Variants in FAM13A observed in about 807,000 individuals in gnomAD.
The protein encoded by FAM13A is protein FAM13A.
Under a neutral mutation model 129.6 loss-of-function variants are expected in FAM13A, and 76 were observed. The observed-to-expected ratio is 0.59, with a 90% CI of 0.49 to 0.71. FAM13A has a LOEUF of 0.71. Among genes scored for constraint, FAM13A ranks in the 30% least tolerant of loss-of-function variants. FAM13A has a pLI of 0.00. For synonymous variants in FAM13A, 443 were observed against 449.9 expected, an observed-to-expected ratio of 0.98 and a Z score of 0.20; for missense variants, 1,108 against 1,249.3, an observed-to-expected ratio of 0.89 and a Z score of 1.70.
At chr4:89,019,712 G>C (rs867683623) in intron 3 of FAM13A, among the ~76,000 whole-genome samples, 4 of 133,870 alleles carry the variant, frequency 3.0e-5, no homozygotes. Flanking sequence ...AGTGAGCCAA[G>C]ATTGTGCCAC....
intron 6 of FAM13A, among the ~76,000 whole-genome samples, chr4:88,862,593 C>T (rs561434043): frequency 6.6e-6 from 1 of 152,296 alleles, no homozygotes; most frequent in South Asian, 2.1e-4. Flanking sequence ...TTCCCCCAAA[C>T]ACTAATCTTT....
At chr4:88,734,835 C>T (rs892784602) in intron 21 of FAM13A, among the ~76,000 whole-genome samples, 3 of 152,170 alleles carry the variant, frequency 2.0e-5, no homozygotes, top group African/African-American at 7.2e-5. Flanking sequence ...TCAGAAAGGC[C>T]AAAATGAATT....
At chr4:88,802,444 A>T (rs1236576772) in intron 8 of FAM13A, among the ~76,000 whole-genome samples, 1 of 151,652 alleles carries the variant, frequency 6.6e-6, no homozygotes, top group Non-Finnish European at 1.5e-5. Flanking sequence ...CTGAAATTAG[A>T]GATGACAGAG....
intron 3 of FAM13A, among the ~76,000 whole-genome samples, chr4:88,992,258 CTTT>C (rs535122112): frequency 2.2e-5 from 3 of 136,584 alleles, no homozygotes; most frequent in East Asian, 2.1e-4. Flanking sequence ...GAATGAATAA[CTTT>C]TTTTTCTTCT....
At chr4:88,801,248 A>G (rs560161137) in intron 8 of FAM13A, among the ~76,000 whole-genome samples, 4 of 152,332 alleles carry the variant, frequency 2.6e-5, no homozygotes, top group East Asian at 3.9e-4. Context: ...TCTTTAACAT[A>G]AATGTACAGT....
At chr4:88,807,412 T>G (rs1277035168) in intron 7 of FAM13A, among the ~76,000 whole-genome samples, 1 of 152,182 alleles carries the variant, frequency 6.6e-6, no homozygotes, top group Non-Finnish European at 1.5e-5. Context: ...CTCACAAAAC[T>G]TCCCTGGTTC....
intron 14 of FAM13A, among the ~76,000 whole-genome samples, chr4:88,752,170 C>T (rs1742762412): frequency 6.6e-6 from 1 of 152,130 alleles, no homozygotes; most frequent in South Asian, 2.1e-4. Context: ...GATATGTGCG[C>T]CTCACACACA....
At chr4:88,844,885 G>A (rs1736388977) in intron 7 of FAM13A, among the ~76,000 whole-genome samples, 1 of 152,164 alleles carries the variant, frequency 6.6e-6, no homozygotes, top group Admixed American at 6.5e-5. Context: ...ACAGGGGTAA[G>A]GAGTAGGGGA....
chr4:88,833,109 C>T (rs115976030), intron 7 of FAM13A, among the ~76,000 whole-genome samples: 2,385 of 152,232 alleles, frequency 0.016, 63 homozygotes, highest in African/African-American at 0.054. Flanking sequence ...AGCCATTATC[C>T]ATAGAAAACT....
intron 7 of FAM13A, among the ~76,000 whole-genome samples, chr4:88,846,670 A>G (rs1736694240): frequency 6.6e-6 from 1 of 152,210 alleles, no homozygotes; most frequent in Admixed American, 6.5e-5. Flanking sequence ...TTGTTTAAAC[A>G]GTATTATTGA....
At position 88,781,185 on chromosome 4, in the gene FAM13A, CA is replaced by C; in HGVS notation, c.1437del (p.His479GlnfsTer8). On this transcript the variant is annotated frameshift_variant, in exon 11 of 24. Transcript: ENST00000264344. LOFTEE classifies it high-confidence loss of function. ...CTTACCACAAGACCGTCCTGATTGT[CA>C]TGAAGCTCAGAAAGTTTAGTACTGG... ...QKSSTKLSELHDNQDGLVNME... is the reference protein window; with the variant it reads ...QKSSTKLSELXDNQDGLVNME... The C allele has an allele frequency of 6.2e-7, 1 of 1,608,860 alleles. No homozygotes were observed.
chr4:88,933,604 T>C (rs1363904654), intron 5 of FAM13A, among the ~76,000 whole-genome samples: 5 of 151,272 alleles, frequency 3.3e-5, no homozygotes, highest in Non-Finnish European at 7.4e-5. Context: ...GCTTGCTTGC[T>C]CATCTACTTC....
chr4:88,868,181 C>A (rs1049728962), intron 6 of FAM13A, among the ~76,000 whole-genome samples: 1 of 152,066 alleles, frequency 6.6e-6, no homozygotes, highest in Non-Finnish European at 1.5e-5. Context: ...ATAATGAATA[C>A]CCAAACAAAA....
At position 88,787,858 on chromosome 4, in the gene FAM13A, G is replaced by C; in HGVS notation, c.1166C>G (p.Ser389Ter). 3 of 1,613,636 alleles carry C rather than the reference G, an allele frequency of 1.9e-6. No homozygotes were observed. The highest frequency in any genetic ancestry group is 2.5e-6 in the Non-Finnish European group (3 of 1,179,714). ...TAGTGTTCCAGATTCTGAGTCCTCTGAACTTTGACCTCCAGAGTTATTAAC... is the reference window on the plus strand; with the variant it reads ...TAGTGTTCCAGATTCTGAGTCCTCTCAACTTTGACCTCCAGAGTTATTAAC... ...FDVNNSGGQS[S>*]EDSESGTLSA... Residue 389 changes from serine (S) to a stop codon, truncating the protein, a stop_gained, in exon 10 of 24, where the codon TCA (serine) becomes TGA (stop). Coordinates refer to ENST00000264344, the MANE Select transcript of FAM13A (RefSeq NM_014883.4). LOFTEE classifies it high-confidence loss of function.
intron 5 of FAM13A, among the ~76,000 whole-genome samples, chr4:88,920,376 C>G (rs979970081): frequency 6.6e-6 from 1 of 152,186 alleles, no homozygotes; most frequent in African/African-American, 2.4e-5. Flanking sequence ...GATCAGACAG[C>G]AGCATTCGCG....
chr4:89,025,691 T>C (rs944610649), intron 2 of FAM13A, among the ~76,000 whole-genome samples: 2 of 152,164 alleles, frequency 1.3e-5, no homozygotes, highest in Non-Finnish European at 2.9e-5. Flanking sequence ...TAATTAAAAA[T>C]GAGTAAAGCT....
intron 6 of FAM13A, among the ~76,000 whole-genome samples, chr4:88,902,520 C>T (rs1311558669): frequency 6.6e-6 from 1 of 152,138 alleles, no homozygotes; most frequent in East Asian, 1.9e-4. Flanking sequence ...ACTTGATTAT[C>T]TCAATAGATG....
At chr4:88,939,182 C>A (rs1332650912) in intron 4 of FAM13A, among the ~76,000 whole-genome samples, 2 of 152,128 alleles carry the variant, frequency 1.3e-5, no homozygotes, top group African/African-American at 4.8e-5. Context: ...ATCACTGGGG[C>A]AAAATCAAGG....
intron 9 of FAM13A, among the ~76,000 whole-genome samples, chr4:88,788,230 G>A (rs1384704982): frequency 2.0e-5 from 3 of 152,146 alleles, no homozygotes; most frequent in African/African-American, 7.2e-5. Context: ...GGAAACAGGG[G>A]TCAATCAATA....
Sources: allele counts gnomAD v4.1 joint callset (sites outside exome capture counted in the v4.1 genomes callset), GRCh38; gene constraint gnomAD v4.1.1; transcripts MANE v1.5; gene names NCBI Gene and HGNC (gene_info 2026-07-23, HGNC 2026-07-21).